EPM2A: variants seen among roughly 807,000 people sequenced by gnomAD.
The protein encoded by EPM2A is laforin.
Under a neutral mutation model 26.5 loss-of-function variants are expected in EPM2A, and 21 were observed. That is an observed-to-expected ratio of 0.79 (90% confidence interval 0.56 to 1.14). EPM2A has a LOEUF of 1.14. Ranked by LOEUF, EPM2A falls within the 50% of genes most tolerant of loss-of-function variation. EPM2A has a pLI of 0.00. For missense variants in EPM2A, 458 were observed against 440.8 expected (o/e 1.04, Z -0.35); for synonymous variants, 217 against 177.6 (o/e 1.22, Z -1.76).
intron 4 of EPM2A, among the ~76,000 whole-genome samples, chr6:145,408,713 G>A (rs538420662): frequency 1.3e-5 from 2 of 152,290 alleles, no homozygotes; most frequent in African/African-American, 4.8e-5. Context: ...GCTACTATAT[G>A]AAAATGCCTT....
intron 2 of EPM2A, among the ~76,000 whole-genome samples, chr6:145,525,999 T>G (rs1166727377): frequency 2.6e-5 from 4 of 152,090 alleles, no homozygotes; most frequent in Non-Finnish European, 2.9e-5. Flanking sequence ...TTCTTTATCA[T>G]GAAGGGATGT....
intron 1 of EPM2A, among the ~76,000 whole-genome samples, chr6:145,716,548 C>T (rs1403699884): frequency 6.6e-6 from 1 of 152,150 alleles, no homozygotes; most frequent in Admixed American, 6.5e-5. Flanking sequence ...TGCCCACGTC[C>T]TCCAGGTCTC....
upstream of EPM2A, chr6:145,735,754 T>A (rs1242864105): frequency 3.7e-6 from 2 of 534,480 alleles, no homozygotes; most frequent in Non-Finnish European, 4.9e-6. Context: ...GCGGTTGATT[T>A]CCACCTGTGG....
At chr6:145,464,806 T>C (rs912789531) in intron 4 of EPM2A, among the ~76,000 whole-genome samples, 3 of 152,154 alleles carry the variant, frequency 2.0e-5, no homozygotes, top group Non-Finnish European at 2.9e-5. Flanking sequence ...AGGGTTTTCT[T>C]AGAAAACCCT....
downstream of EPM2A, among the ~76,000 whole-genome samples, chr6:145,496,728 A>ATGTTTTTTTTTTT (rs779194973): frequency 4.2e-3 from 445 of 106,876 alleles, 54 homozygotes; most frequent in African/African-American, 0.012. Context: ...AGTTCCTGCA[A>ATGTTTTTTTTTTT]TTTTTTTTTT....
intron 4 of EPM2A, among the ~76,000 whole-genome samples, chr6:145,447,631 C>T (rs1015919949): frequency 5.3e-5 from 8 of 152,068 alleles, no homozygotes; most frequent in Non-Finnish European, 1.2e-4. Context: ...AATAGAAACA[C>T]TGGATTTTGT....
At chr6:145,727,796 G>A (rs1189868261) in intron 1 of EPM2A, among the ~76,000 whole-genome samples, 2 of 151,958 alleles carry the variant, frequency 1.3e-5, no homozygotes, top group Non-Finnish European at 2.9e-5. Flanking sequence ...ATTTTTTTCA[G>A]GGAAGGAATG....
chr6:145,391,999 A>G (rs950469912), intron 4 of EPM2A, among the ~76,000 whole-genome samples: 1 of 151,958 alleles, frequency 6.6e-6, no homozygotes, highest in East Asian at 1.9e-4. Context: ...GTTATGGGGA[A>G]CCTGGGTTCT....
chr6:145,407,039 G>A (rs949240999), intron 4 of EPM2A, among the ~76,000 whole-genome samples: 1 of 152,072 alleles, frequency 6.6e-6, no homozygotes, highest in Admixed American at 6.6e-5. Flanking sequence ...ATCGTGCCTC[G>A]TGGTAATGCA....
intron 4 of EPM2A, among the ~76,000 whole-genome samples, chr6:145,439,857 A>G (rs893476467): frequency 2.0e-5 from 3 of 152,166 alleles, no homozygotes; most frequent in African/African-American, 7.2e-5. Flanking sequence ...TTTTGTTGCA[A>G]TTGCTTCTGG....
chr6:145,686,508 C>T (rs1207784185), intron 1 of EPM2A, among the ~76,000 whole-genome samples: 1 of 151,960 alleles, frequency 6.6e-6, no homozygotes, highest in African/African-American at 2.4e-5. Flanking sequence ...TTTTTTACTC[C>T]CTTTGAGTAC....
intron 4 of EPM2A, chr6:145,489,536 G>A: frequency 1.6e-6 from 1 of 637,966 alleles, no homozygotes; most frequent in Non-Finnish European, 2.6e-6. Context: ...GCTTAACTTT[G>A]GTCCACTTGT....
chr6:145,467,734 A>G (rs1458886388), intron 4 of EPM2A, among the ~76,000 whole-genome samples: 3 of 152,146 alleles, frequency 2.0e-5, no homozygotes, highest in Admixed American at 6.6e-5. Context: ...GGAACATGCT[A>G]TGCCTCTGCA....
intron 2 of EPM2A, among the ~76,000 whole-genome samples, chr6:145,659,323 TC>T (rs1310995904): frequency 2.0e-5 from 3 of 152,168 alleles, no homozygotes; most frequent in Non-Finnish European, 4.4e-5. Context: ...GAAACTTTAT[TC>T]TTTAATAATG....
intron 1 of EPM2A, among the ~76,000 whole-genome samples, chr6:145,732,568 T>C (rs1274450923): frequency 6.6e-6 from 1 of 152,132 alleles, no homozygotes; most frequent in African/African-American, 2.4e-5. Context: ...TTGTGAGAAC[T>C]GGTTTAACTC....
intron 3 of EPM2A, among the ~76,000 whole-genome samples, chr6:145,633,403 A>G: frequency 6.6e-6 from 1 of 152,220 alleles, no homozygotes; most frequent in East Asian, 1.9e-4. Context: ...CATCTTCGCA[A>G]ATGAAGTTTT....
intron 4 of EPM2A, among the ~76,000 whole-genome samples, chr6:145,450,824 T>A (rs1779187007): frequency 6.6e-6 from 1 of 152,198 alleles, no homozygotes; most frequent in Non-Finnish European, 1.5e-5. Context: ...TAGATGAACA[T>A]TATTTGTCTT....
intron 2 of EPM2A, among the ~76,000 whole-genome samples, chr6:145,566,527 T>C (rs1038688285): frequency 4.6e-5 from 7 of 152,204 alleles, no homozygotes; most frequent in Non-Finnish European, 7.3e-5. Context: ...GTAGTCTCAA[T>C]TGTCTGCTGA....
intron 1 of EPM2A, among the ~76,000 whole-genome samples, chr6:145,696,381 A>C (rs1781571430): frequency 6.6e-6 from 1 of 152,152 alleles, no homozygotes; most frequent in Non-Finnish European, 1.5e-5. Context: ...CAGTAGGGTG[A>C]CTAAAGTCAA....
Sources: gnomAD v4.1 joint callset for allele counts (sites outside exome capture counted in the v4.1 genomes callset) on GRCh38, gnomAD v4.1.1 for gene constraint, MANE v1.5 for transcripts, NCBI Gene and HGNC (gene_info 2026-07-23, HGNC 2026-07-21) for gene names.